Variants in ABI3BP observed in about 807,000 individuals in gnomAD.
ABI3BP encodes target of Nesh-SH3.
ABI3BP carries 216 observed loss-of-function variants against 268.6 expected under a neutral mutation model. The observed-to-expected ratio is 0.80, with a 90% CI of 0.72 to 0.90. The LOEUF (loss-of-function observed/expected upper bound fraction) is 0.90. Among genes scored for constraint, ABI3BP ranks in the 40% least tolerant of loss-of-function variants. ABI3BP has a pLI of 0.00. For synonymous variants in ABI3BP, 730 were observed against 730.0 expected (o/e 1.00, Z 0.00); for missense variants, 2,090 against 2,182.4 (o/e 0.96, Z 0.84).
intron 18 of ABI3BP, 122 bp downstream of exon 18, chr3:100,848,679 G>A (rs1255400002): frequency 1.1e-6 from 1 of 877,864 alleles, no homozygotes; most frequent in Non-Finnish European, 1.8e-6. Flanking sequence ...CTCCTGCCTT[G>A]GCCTCCCAAA....
At chr3:100,778,228 G>A in intron 59 of ABI3BP, 56 bp downstream of exon 59, 14 of 1,532,998 alleles carry the variant, frequency 9.1e-6, no homozygotes, top group Non-Finnish European at 1.3e-5. Context: ...AAGAGCTTAT[G>A]TTGGCTAGTA....
At chr3:100,969,101 G>A (rs2082472274) in intron 1 of ABI3BP, among the ~76,000 whole-genome samples, 3 of 152,186 alleles carry the variant, frequency 2.0e-5, no homozygotes, top group Non-Finnish European at 2.9e-5. Flanking sequence ...GGGAAGCATA[G>A]ACATGGTCTA....
chr3:100,808,061 T>C, intron 50 of ABI3BP, 100 bp downstream of exon 50: 1 of 1,047,592 alleles, frequency 9.5e-7, no homozygotes, highest in Admixed American at 2.0e-5. Context: ...TTACAAGTGT[T>C]AAAGACTCAA....
intron 62 of ABI3BP, among the ~76,000 whole-genome samples, chr3:100,768,093 T>TG (rs1241790000): frequency 7.0e-4 from 103 of 147,694 alleles, no homozygotes; most frequent in Non-Finnish European, 1.1e-3. Flanking sequence ...GTTTTTTTTT[T>TG]TTTTTTTTTT....
chr3:100,900,969 A>G (rs1459776439), intron 3 of ABI3BP, among the ~76,000 whole-genome samples: 1 of 152,182 alleles, frequency 6.6e-6, no homozygotes, highest in Non-Finnish European at 1.5e-5. Context: ...CTATGATCAT[A>G]TTTCTATCAA....
At chr3:100,840,202 T>G in intron 22 of ABI3BP, 38 bp from the exon 23 acceptor site, 1 of 1,433,574 alleles carries the variant, frequency 7.0e-7, no homozygotes, top group Non-Finnish European at 9.4e-7. Flanking sequence ...ACAAGAAGGG[T>G]GGATTTACAA....
intron 9 of ABI3BP, 57 bp downstream of exon 9, chr3:100,874,784 A>G: frequency 9.8e-7 from 1 of 1,022,684 alleles, no homozygotes; most frequent in East Asian, 2.7e-5. Context: ...TTTCCTAAGA[A>G]TATCAGTGCT....
intron 21 of ABI3BP, among the ~76,000 whole-genome samples, chr3:100,841,294 T>C (rs1020544382): frequency 6.7e-6 from 1 of 149,956 alleles, no homozygotes; most frequent in African/African-American, 2.5e-5. Context: ...TTTGAGTGGA[T>C]TTCCTAGTCC....
At chr3:100,837,032 A>G (rs1177765096) in intron 27 of ABI3BP, 92 bp downstream of exon 27, 4 of 1,221,438 alleles carry the variant, frequency 3.3e-6, no homozygotes, top group Non-Finnish European at 4.4e-6. Context: ...AAAATGGTGA[A>G]TGACAATTGT....
intron 63 of ABI3BP, 131 bp from the exon 64 acceptor site, chr3:100,754,822 T>C: frequency 1.3e-6 from 1 of 751,126 alleles, no homozygotes; most frequent in Non-Finnish European, 2.2e-6. Flanking sequence ...TAACATATGT[T>C]CCAGAAGCAG....
intron 1 of ABI3BP, among the ~76,000 whole-genome samples, chr3:100,966,998 G>T (rs145325296): frequency 1.0e-3 from 159 of 151,918 alleles, no homozygotes; most frequent in African/African-American, 3.5e-3. Flanking sequence ...GGCAGACCCA[G>T]GTCTGTTTTT....
chr3:100,913,772 G>A (rs1036289905), intron 2 of ABI3BP, among the ~76,000 whole-genome samples: 5 of 152,146 alleles, frequency 3.3e-5, no homozygotes, highest in African/African-American at 9.7e-5. Context: ...GAATTATGGA[G>A]CATCACAAAG....
chr3:100,760,609 A>G (rs2095880711), intron 63 of ABI3BP, among the ~76,000 whole-genome samples: 1 of 152,178 alleles, frequency 6.6e-6, no homozygotes, highest in African/African-American at 2.4e-5. Flanking sequence ...TTTGAATATC[A>G]CAGAATTATA....
intron 63 of ABI3BP, among the ~76,000 whole-genome samples, chr3:100,761,359 C>G (rs905728747): frequency 5.3e-5 from 8 of 152,146 alleles, no homozygotes; most frequent in African/African-American, 1.9e-4. Context: ...ACACCCCCTT[C>G]CCTGTGCACA....
chr3:100,770,951 T>C lies in ABI3BP; in HGVS notation c.4533A>G (p.Gly1511=). The change falls in exon 62 of 68, where the codon GGA becomes GGG. Residue 1511 remains glycine (G), a splice_region_variant and synonymous_variant. Transcript: ENST00000471714. The part of the protein sequence containing the change: ...TDPLGKPRFK[G]PHVRYIQKPD... The stretch of plus-strand genomic sequence containing the variant: ...GCTTTTGGATGTATCGCACATGAGG[T>C]CCTACGAGAGAGAGGACCCTTGACA... 6.4e-7 allele frequency: 1 copy of C among 1,561,464 alleles called. No individual in the cohort carries two copies. The highest frequency in any genetic ancestry group is 8.7e-7 in the Non-Finnish European group (1 of 1,152,114).
chr3:100,922,560 G>A (rs577049190), intron 2 of ABI3BP, among the ~76,000 whole-genome samples: 1 of 151,800 alleles, frequency 6.6e-6, no homozygotes, highest in Non-Finnish European at 1.5e-5. Flanking sequence ...TGGTGATGGC[G>A]ATGGCGATGG....
chr3:100,795,022 C>T lies in ABI3BP; in HGVS notation c.3866-19G>A, dbSNP rs1577977583. Reference sequence around the variant, plus strand: ...AGAGGAGCTGCAAAAAGAAAAGGACCAAGGTTGTAAATTTTTAGATTCAAA... The same window carrying T: ...AGAGGAGCTGCAAAAAGAAAAGGACTAAGGTTGTAAATTTTTAGATTCAAA... On this transcript the variant is annotated intron_variant, in intron 53 of 67. Coordinates refer to ENST00000471714, the MANE Select transcript of ABI3BP (RefSeq NM_001375547.2). 7.0e-7 allele frequency: 1 copy of T among 1,422,286 alleles called. No individual in the cohort carries two copies. Among genetic ancestry groups the T allele is most frequent in the South Asian group, 1.5e-5 (1 of 65,144 alleles). 88.1% of individuals were successfully genotyped at this position (1,422,286 alleles called of 1,614,324 possible).
intron 1 of ABI3BP, among the ~76,000 whole-genome samples, chr3:100,945,966 T>C (rs540794627): frequency 6.6e-6 from 1 of 152,302 alleles, no homozygotes; most frequent in South Asian, 2.1e-4. Context: ...CCACTCCAAA[T>C]TGTGATCATC....
chr3:100,957,133 C>T (rs916874985), intron 1 of ABI3BP, among the ~76,000 whole-genome samples: 1 of 152,050 alleles, frequency 6.6e-6, no homozygotes, highest in Non-Finnish European at 1.5e-5. Flanking sequence ...GAAACTATAG[C>T]AATAATCCAA....
Sources: allele counts gnomAD v4.1 joint callset (sites outside exome capture counted in the v4.1 genomes callset), GRCh38; gene constraint gnomAD v4.1.1; transcripts MANE v1.5; gene names NCBI Gene and HGNC (gene_info 2026-07-23, HGNC 2026-07-21).